The following GLT8D2 variants were observed in gnomAD, a reference collection of about 807,000 sequenced individuals.
GLT8D2 encodes the protein glycosyltransferase 8 domain containing 2, also known as glycosyltransferase 8 domain-containing protein 2.
A neutral mutation model predicts 44.5 loss-of-function variants in GLT8D2; 45 were observed. The observed-to-expected ratio is 1.01, with a 90% CI of 0.80 to 1.30. The LOEUF (loss-of-function observed/expected upper bound fraction) is 1.30, where lower values mean the gene tolerates loss of function less well. Among genes scored for constraint, GLT8D2 ranks in the 50% most tolerant of loss-of-function variants. The probability of loss-of-function intolerance (pLI) is 0.00; values close to 1 mark genes in which losing one functional copy is unlikely to be tolerated. For synonymous variants in GLT8D2, 156 were observed against 157.2 expected, an observed-to-expected ratio of 0.99 and a Z score of 0.06; for missense variants, 400 against 430.4, an observed-to-expected ratio of 0.93 and a Z score of 0.62.
chr12:104,063,503 G>A (rs1039277563), intron 1 of GLT8D2, among the ~76,000 whole-genome samples: 1 of 152,076 alleles, frequency 6.6e-6, no homozygotes, highest in African/African-American at 2.4e-5. Flanking sequence ...CTCTGATCGC[G>A]CCACTGCATT....
At chr12:103,994,645 T>C in intron 8 of GLT8D2, 144 bp from the exon 9 acceptor site, 1 of 681,100 alleles carries the variant, frequency 1.5e-6, no homozygotes, top group Non-Finnish European at 2.4e-6. Flanking sequence ...TTTTGTTTTG[T>C]TTTGCTGGTT....
chr12:104,032,466 C>CAAAAAAAAAA lies in GLT8D2; in HGVS notation c.-163-10985_-163-10976dup, dbSNP rs547392677. On this transcript the variant is annotated intron_variant, in intron 1 of 10. Transcript: ENST00000360814. Reference sequence around the variant, plus strand: ...ATAATAAAGGAGTGATGTGCAATAGCAAAAAAAAAAAAAAAAAAAAAAAAA... The same window carrying CAAAAAAAAAA: ...ATAATAAAGGAGTGATGTGCAATAGCAAAAAAAAAAAAAAAAAAAAAAAAAAAAAAAAAAA... Among the ~76,000 whole-genome samples the CAAAAAAAAAA allele has an allele frequency of 7.4e-4, 44 of 59,662 alleles. 2 individuals carry two copies. The highest frequency in any genetic ancestry group is 2.3e-3 in the African/African-American group (35 of 14,998). The allele number at this position is 59,662 out of a possible 152,430, so 39.1% of individuals were successfully genotyped here.
intron 4 of GLT8D2, chr12:104,012,525 G>A: frequency 3.1e-6 from 1 of 324,714 alleles, no homozygotes; most frequent in South Asian, 1.0e-4. Context: ...CTGAAGAAGG[G>A]AGTCTGTGGT....
intron 1 of GLT8D2, among the ~76,000 whole-genome samples, chr12:104,046,470 C>G (rs1881161199): frequency 6.6e-6 from 1 of 152,182 alleles, no homozygotes; most frequent in Non-Finnish European, 1.5e-5. Flanking sequence ...CGCAGGCATC[C>G]TGGCTCTGAG....
At chr12:104,000,014 G>A (rs1873991600) in intron 5 of GLT8D2, among the ~76,000 whole-genome samples, 2 of 151,770 alleles carry the variant, frequency 1.3e-5, no homozygotes, top group African/African-American at 4.8e-5. Context: ...ATCTGTCTTC[G>A]TTCCCCTTCT....
chr12:104,001,757 G>A (rs985367378), intron 5 of GLT8D2, among the ~76,000 whole-genome samples: 12 of 151,692 alleles, frequency 7.9e-5, no homozygotes, highest in African/African-American at 2.4e-4. Flanking sequence ...AGGCTGAAGC[G>A]CAGTGGCACG....
intron 1 of GLT8D2, among the ~76,000 whole-genome samples, chr12:104,056,595 C>T (rs1297176292): frequency 6.6e-6 from 1 of 152,264 alleles, no homozygotes; most frequent in Admixed American, 6.5e-5. Context: ...GTAAGTATAG[C>T]ACAGTCCTTG....
chr12:103,997,349 A>T (rs1350304979), intron 7 of GLT8D2, 102 bp downstream of exon 7: 4 of 879,196 alleles, frequency 4.5e-6, no homozygotes, highest in Non-Finnish European at 5.7e-6. Context: ...ATAAGCAGTC[A>T]AAACTTGCTG....
intron 1 of GLT8D2, among the ~76,000 whole-genome samples, chr12:104,034,909 T>C (rs1233115572): frequency 6.6e-6 from 1 of 152,148 alleles, no homozygotes; most frequent in Non-Finnish European, 1.5e-5. Flanking sequence ...TGATACATCA[T>C]ACAGGTGGGT....
At position 104,019,618 on chromosome 12, in the gene GLT8D2, T is replaced by A; in HGVS notation, c.19+12A>T. On this transcript the variant is annotated intron_variant, in intron 3 of 10. Coordinates refer to ENST00000360814, the MANE Select transcript of GLT8D2 (RefSeq NM_001384711.1). ...GTTTTTAAATCATTATTTTCAAAAG[T>A]TGAAATCTTACTTTTTCGTAACAGA... 1 of 1,603,898 alleles carries A rather than the reference T, an allele frequency of 6.2e-7. No homozygotes were observed. The highest frequency in any genetic ancestry group is 1.1e-5 in the South Asian group (1 of 90,354).
intron 4 of GLT8D2, among the ~76,000 whole-genome samples, chr12:104,010,346 C>A (rs779748512): frequency 6.6e-6 from 1 of 152,206 alleles, no homozygotes; most frequent in Non-Finnish European, 1.5e-5. Context: ...CTTCCCAATG[C>A]CTGGAATGAT....
intron 4 of GLT8D2, among the ~76,000 whole-genome samples, chr12:104,009,848 T>C (rs180968221): frequency 2.7e-4 from 41 of 152,320 alleles, no homozygotes; most frequent in African/African-American, 9.4e-4. Flanking sequence ...TCTCATTTTC[T>C]TTTGCTGCTG....
chr12:103,997,572 G>A (rs776048265), intron 6 of GLT8D2, 37 bp from the exon 7 acceptor site: 6 of 1,442,976 alleles, frequency 4.2e-6, no homozygotes, highest in South Asian at 2.3e-5. Context: ...GTGGGGGAGA[G>A]GCATATGGCT....
chr12:104,022,220 A>C (rs2136389789), intron 1 of GLT8D2, among the ~76,000 whole-genome samples: 1 of 152,170 alleles, frequency 6.6e-6, no homozygotes, highest in South Asian at 2.1e-4. Flanking sequence ...GTGGGATGAG[A>C]AAGTTTATCT....
At chr12:104,038,777 C>G (rs1016867878) in intron 1 of GLT8D2, among the ~76,000 whole-genome samples, 3 of 152,078 alleles carry the variant, frequency 2.0e-5, no homozygotes, top group Admixed American at 6.6e-5. Flanking sequence ...ACTTTCTTCA[C>G]AGAATTGGAA....
chr12:104,017,977 T>C (rs573370834), intron 3 of GLT8D2, among the ~76,000 whole-genome samples: 176 of 152,256 alleles, frequency 1.2e-3, no homozygotes, highest in African/African-American at 4.1e-3. Context: ...TATCTTTTTT[T>C]TTCTTTTTTG....
intron 4 of GLT8D2, among the ~76,000 whole-genome samples, chr12:104,014,035 C>A (rs560779082): frequency 6.6e-6 from 1 of 152,180 alleles, no homozygotes; most frequent in Non-Finnish European, 1.5e-5. Flanking sequence ...GAGCCACCAT[C>A]GCCAGCCCGT....
rs370390281 is a variant in GLT8D2 at position 104,014,354 on chromosome 12, C to CA, written c.112+658dup. The CA allele has an allele frequency of 9.0e-3, 4,914 of 548,338 alleles. 14 individuals carry two copies. Among genetic ancestry groups the CA allele is most frequent in the Admixed American group, 0.036 (1,245 of 34,724 alleles). 34.0% of individuals were successfully genotyped at this position (548,338 alleles called of 1,614,324 possible). On this transcript the variant is annotated intron_variant, in intron 4 of 10. Transcript: ENST00000360814. ...GGGGCAACAGAGTGAGATTCTGTCT[C>CA]AAAAAAAAAAGTAAATTAATTAAAA...
chr12:103,999,638 AGAGTT>A (rs1315753545), intron 5 of GLT8D2, 124 bp from the exon 6 acceptor site: 1 of 671,974 alleles, frequency 1.5e-6, no homozygotes, highest in East Asian at 2.5e-5. Context: ...TAAATTTAGT[AGAGTT>A]TAGTCCAATA....
Sources: gnomAD v4.1 joint callset for allele counts (sites outside exome capture counted in the v4.1 genomes callset) on GRCh38, gnomAD v4.1.1 for gene constraint, MANE v1.5 for transcripts, NCBI Gene and HGNC (gene_info 2026-07-23, HGNC 2026-07-21) for gene names.